The following SCARA3 variants were observed in gnomAD, a reference collection of about 807,000 sequenced individuals.
SCARA3 encodes the protein cellular stress response gene protein.
Under a neutral mutation model 47.0 loss-of-function variants are expected in SCARA3, and 39 were observed. The ratio of observed to expected loss-of-function variants is 0.83; its 90% CI spans 0.64 to 1.08. The LOEUF (loss-of-function observed/expected upper bound fraction) is 1.08, where lower values mean the gene tolerates loss of function less well. Ranked by LOEUF, SCARA3 falls within the 50% of genes least tolerant of loss-of-function variation. The pLI is 0.00. For missense variants in SCARA3, 724 were observed against 792.3 expected (o/e 0.91, Z 1.04); for synonymous variants, 356 against 334.1 (o/e 1.07, Z -0.71).
rs1285138331 is a variant in SCARA3 at position 27,671,262 on chromosome 8, G to C, written c.1732G>C (p.Ala578Pro). 2.7e-6 allele frequency: 4 copies of C among 1,481,030 alleles called. No homozygotes were observed. The highest frequency in any genetic ancestry group is 2.8e-5 in the Admixed American group (1 of 36,336). 91.7% of individuals were successfully genotyped at this position (1,481,030 alleles called of 1,614,324 possible). Residue 578 changes from alanine (A) to proline (P), a missense_variant, in exon 6 of 6, where the codon GCC (alanine) becomes CCC (proline). Coordinates refer to ENST00000301904, the MANE Select transcript of SCARA3 (RefSeq NM_016240.3). ...GACAGGGTCACCAGGCCAGCGGGGG[G>C]CCATGGGGCCTAAGGGTGAACCAGG... ...GKTGSPGQRG[A>P]MGPKGEPGIQ...
chr8:27,717,041 C>T, the SCARA3 span, among the ~76,000 whole-genome samples: 1 of 151,952 alleles, frequency 6.6e-6, no homozygotes, highest in Admixed American at 6.6e-5. Flanking sequence ...GGGGTGTAAT[C>T]CTAAAAAAAA....
the SCARA3 span, among the ~76,000 whole-genome samples, chr8:27,723,801 T>C: frequency 6.6e-6 from 1 of 152,220 alleles, no homozygotes; most frequent in Non-Finnish European, 1.5e-5. Context: ...AACGGTGCGA[T>C]CTCAGCTCAC....
chr8:27,719,079 A>T, the SCARA3 span, among the ~76,000 whole-genome samples: 1 of 152,210 alleles, frequency 6.6e-6, no homozygotes, highest in African/African-American at 2.4e-5. Flanking sequence ...AAGAACGTGG[A>T]GGTTTTGACA....
chr8:27,648,399 T>A (rs1801553800), intron 1 of SCARA3, among the ~76,000 whole-genome samples: 1 of 152,154 alleles, frequency 6.6e-6, no homozygotes. Context: ...GGTCAGGAGA[T>A]GGAGACCATC....
the SCARA3 span, among the ~76,000 whole-genome samples, chr8:27,715,512 A>G: frequency 6.6e-6 from 1 of 151,806 alleles, no homozygotes; most frequent in Non-Finnish European, 1.5e-5. The surrounding 1 kb of genome is among the most constrained non-coding windows in gnomAD (Gnocchi z 4.2). Context: ...TTCTCCACAC[A>G]GGAACTCTCC....
the SCARA3 span, among the ~76,000 whole-genome samples, chr8:27,721,450 GTA>G: frequency 4.6e-5 from 7 of 152,134 alleles, no homozygotes; most frequent in African/African-American, 1.7e-4. Flanking sequence ...ATACAGTATG[GTA>G]GATAAATGTC....
At chr8:27,667,406 A>G (rs970219282) in intron 5 of SCARA3, among the ~76,000 whole-genome samples, 2 of 152,026 alleles carry the variant, frequency 1.3e-5, no homozygotes, top group African/African-American at 2.4e-5. Context: ...TCCAGGCAGC[A>G]CCTAGGATTG....
the SCARA3 span, among the ~76,000 whole-genome samples, chr8:27,696,379 A>C: frequency 1.3e-5 from 2 of 152,326 alleles, no homozygotes; most frequent in African/African-American, 4.8e-5. Context: ...AAAACCACTG[A>C]ATCTCATCAG....
the SCARA3 span, among the ~76,000 whole-genome samples, chr8:27,689,880 T>C: frequency 1.3e-5 from 2 of 152,106 alleles, no homozygotes; most frequent in African/African-American, 4.8e-5. Flanking sequence ...TCTTAGCACT[T>C]TGGGAAGTTG....
the SCARA3 span, among the ~76,000 whole-genome samples, chr8:27,695,959 A>G: frequency 6.6e-6 from 1 of 152,126 alleles, no homozygotes; most frequent in Admixed American, 6.5e-5. Flanking sequence ...ACAAACAAAA[A>G]TTGCACTTAT....
downstream of SCARA3, among the ~76,000 whole-genome samples, chr8:27,681,349 C>T (rs565936551): frequency 2.8e-4 from 42 of 152,072 alleles, no homozygotes; most frequent in African/African-American, 8.7e-4. Context: ...ATTTAAAAAA[C>T]GAAATTCAAG....
rs754410482 is a variant in SCARA3, at chr8:27,651,509, C to T, written c.108C>T (p.Gly36=). The change falls in exon 3 of 6, where the codon GGC becomes GGT. Residue 36 remains glycine, a splice_region_variant and synonymous_variant. Transcript: ENST00000301904. ...DMPTFPCTQK[G]RPGPRCSRCQ... ...TTGTCCTCCTTGTGTCCCCCACAGG[C>T]CGGCCAGGGCCCCGCTGCAGCCGCT... is the stretch of plus-strand genomic sequence containing the variant. The T allele has an allele frequency of 6.2e-7, 1 of 1,611,570 alleles. No homozygotes were observed. Among genetic ancestry groups the T allele is most frequent in the Non-Finnish European group, 8.5e-7 (1 of 1,179,908 alleles).
At chr8:27,703,724 T>G in the SCARA3 span, 1 of 152,154 alleles carries the variant, frequency 6.6e-6, no homozygotes, top group Non-Finnish European at 1.5e-5. Flanking sequence ...TCTGGAGGGT[T>G]CATTCTTGGA....
At position 27,671,800 on chromosome 8, in the gene SCARA3, C is replaced by T. The variant is rs1175994817; in HGVS notation, c.*449C>T. On this transcript the variant is annotated 3_prime_UTR_variant, in exon 6 of 6. Coordinates refer to ENST00000301904, the MANE Select transcript of SCARA3 (RefSeq NM_016240.3). Reference sequence around the variant, plus strand: ...CACATGCACTGCACACATATCCATGCACACAAACACATATATACACATGCA... The same window carrying T: ...CACATGCACTGCACACATATCCATGTACACAAACACATATATACACATGCA... The T allele has an allele frequency of 1.0e-5, 10 of 989,344 alleles. No individual in the cohort carries two copies. The highest frequency in any genetic ancestry group is 1.7e-5 in the African/African-American group (1 of 57,412). The allele number at this position is 989,344 out of a possible 1,614,324, so 61.3% of individuals were successfully genotyped here.
At chr8:27,705,441 A>G in the SCARA3 span, among the ~76,000 whole-genome samples, 1 of 152,232 alleles carries the variant, frequency 6.6e-6, no homozygotes, top group Non-Finnish European at 1.5e-5. Context: ...GAGGCCAGGG[A>G]CTAGCAAAGC....
intron 3 of SCARA3, among the ~76,000 whole-genome samples, chr8:27,652,488 C>A (rs1276037057): frequency 2.6e-5 from 4 of 152,184 alleles, no homozygotes; most frequent in African/African-American, 7.2e-5. Context: ...TAGGGAGAGG[C>A]AGTCGAGGCT....
At chr8:27,662,921 T>C (rs1801941686) in intron 5 of SCARA3, among the ~76,000 whole-genome samples, 1 of 152,246 alleles carries the variant, frequency 6.6e-6, no homozygotes, top group African/African-American at 2.4e-5. Context: ...CACCTGATTA[T>C]TAAATCCTCC....
rs201127539 is a variant in SCARA3, at chr8:27,671,666, ACATGCACACATACACG to A, written c.*316_*331del. 1.5e-5 allele frequency: 17 copies of A among 1,102,260 alleles called. No homozygotes were observed. Among genetic ancestry groups the A allele is most frequent in the African/African-American group, 8.1e-5 (5 of 61,362 alleles). The allele number at this position is 1,102,260 out of a possible 1,614,324, so 68.3% of individuals were successfully genotyped here. ...TGCACACACACATGCACGCACACAC[ACATGCACACATACACG>A]TGCACACATACACAGGCACACATGC... On this transcript the variant is annotated 3_prime_UTR_variant, in exon 6 of 6. Transcript: ENST00000301904.
At chr8:27,729,025 G>A in the SCARA3 span, among the ~76,000 whole-genome samples, 6 of 152,084 alleles carry the variant, frequency 3.9e-5, no homozygotes, top group African/African-American at 7.2e-5. Flanking sequence ...TGATTGCACC[G>A]TTGCACTCCA....
Sources: gnomAD v4.1 joint callset for allele counts (sites outside exome capture counted in the v4.1 genomes callset) on GRCh38, gnomAD v4.1.1 for gene constraint, Gnocchi (gnomAD v3.1) non-coding constraint, MANE v1.5 for transcripts, NCBI Gene and HGNC (gene_info 2026-07-23, HGNC 2026-07-21) for gene names.